The following NTM variants were observed in gnomAD, a reference collection of about 807,000 sequenced individuals.
The protein encoded by NTM is neurotrimin, also known as IgLON family member 2.
NTM carries 13 observed loss-of-function variants against 42.1 expected under a neutral mutation model. The observed-to-expected ratio is 0.31, with a 90% CI of 0.20 to 0.49. NTM has a LOEUF of 0.49. NTM is among the 20% of genes least tolerant of loss of function. The pLI is 0.99. For missense variants in NTM, 373 were observed against 452.8 expected (o/e 0.82, Z 1.60); for synonymous variants, 187 against 179.2 (o/e 1.04, Z -0.35).
intron 1 of NTM, among the ~76,000 whole-genome samples, chr11:131,734,696 G>T (rs763526174): frequency 1.3e-5 from 2 of 152,082 alleles, no homozygotes; most frequent in Non-Finnish European, 2.9e-5. Context: ...TCCAAGATGA[G>T]TGAGTATCCA....
intron 1 of NTM, among the ~76,000 whole-genome samples, chr11:131,457,913 C>T (rs1951044693): frequency 6.6e-6 from 1 of 152,110 alleles, no homozygotes; most frequent in South Asian, 2.1e-4. Flanking sequence ...GAAGAGAGCC[C>T]TCACAGAAGC....
At chr11:131,780,896 AC>A (rs1314034141) in intron 1 of NTM, among the ~76,000 whole-genome samples, 2 of 152,132 alleles carry the variant, frequency 1.3e-5, no homozygotes, top group African/African-American at 4.8e-5. Flanking sequence ...AGAACTAATA[AC>A]CATAAGGAAC....
chr11:131,573,364 G>T (rs1054804859), intron 1 of NTM, among the ~76,000 whole-genome samples: 1 of 152,176 alleles, frequency 6.6e-6, no homozygotes, highest in African/African-American at 2.4e-5. Context: ...GAAAAGTCTT[G>T]CATAAAGTGC....
At chr11:131,990,842 A>T (rs968914692) in intron 2 of NTM, among the ~76,000 whole-genome samples, 1 of 152,052 alleles carries the variant, frequency 6.6e-6, no homozygotes, top group Non-Finnish European at 1.5e-5. Flanking sequence ...AGCTCTATAA[A>T]CTATTTTCCA....
rs181205291 is a variant in NTM at position 131,617,131 on chromosome 11, G to A, written c.82+246243G>A. Among the ~76,000 whole-genome samples the A allele has an allele frequency of 1.6e-3, 244 of 152,164 alleles. 2 individuals are homozygous for A. Among genetic ancestry groups the A allele is most frequent in the African/African-American group, 5.6e-3 (232 of 41,532 alleles). ...GCAGGCAGACCCTAGGTGTGCTGCC[G>A]ATGTCAGGGTTCCCTCGGTCCTTCT... is the stretch of plus-strand genomic sequence containing the variant. On this transcript the variant is annotated intron_variant, in intron 1 of 8. Coordinates refer to ENST00000683400, the MANE Select transcript of NTM (RefSeq NM_001352005.2).
At chr11:131,655,901 T>C (rs2067125209) in intron 1 of NTM, among the ~76,000 whole-genome samples, 1 of 152,208 alleles carries the variant, frequency 6.6e-6, no homozygotes, top group Non-Finnish European at 1.5e-5. Context: ...ACCAAATCGA[T>C]TGGCCATCTG....
chr11:132,064,363 G>A (rs569226140), intron 2 of NTM, among the ~76,000 whole-genome samples: 68 of 152,286 alleles, frequency 4.5e-4, no homozygotes, highest in African/African-American at 1.5e-3. Context: ...ATATATATAT[G>A]TGTATTTGTG....
chr11:132,089,129 A>T (rs2060094329), intron 2 of NTM, among the ~76,000 whole-genome samples: 1 of 152,194 alleles, frequency 6.6e-6, no homozygotes, highest in African/African-American at 2.4e-5. Flanking sequence ...AAACACTCTC[A>T]TAGTAAGCAG....
At chr11:132,062,081 A>C (rs778189679) in intron 2 of NTM, among the ~76,000 whole-genome samples, 2 of 152,190 alleles carry the variant, frequency 1.3e-5, no homozygotes, top group African/African-American at 4.8e-5. Flanking sequence ...CTTCTGAAGC[A>C]GGTACAGTCA....
chr11:132,039,832 CCAG>C (rs56232349), intron 2 of NTM, among the ~76,000 whole-genome samples: 29,301 of 152,108 alleles, frequency 0.19, 3,586 homozygotes, highest in Non-Finnish European at 0.27. Flanking sequence ...AGTTTCCGCA[CCAG>C]TAAATCACCA....
intron 3 of NTM, among the ~76,000 whole-genome samples, chr11:132,152,213 C>T (rs952220103): frequency 2.0e-5 from 3 of 152,192 alleles, no homozygotes; most frequent in Non-Finnish European, 4.4e-5. Flanking sequence ...GACATGTCAC[C>T]CAGAAAGCAC....
At chr11:131,742,942 G>A (rs1479457855) in intron 1 of NTM, among the ~76,000 whole-genome samples, 8 of 152,212 alleles carry the variant, frequency 5.3e-5, no homozygotes, top group African/African-American at 1.2e-4. Context: ...GCCTCTTAAG[G>A]TTGACATGAG....
chr11:131,446,419 T>G (rs1033845380), intron 1 of NTM, among the ~76,000 whole-genome samples: 1 of 152,178 alleles, frequency 6.6e-6, no homozygotes, highest in African/African-American at 2.4e-5. Flanking sequence ...TTTTAGAATT[T>G]CCAAAAGAGC....
chr11:131,783,573 A>G (rs2088576308), intron 1 of NTM, among the ~76,000 whole-genome samples: 1 of 152,180 alleles, frequency 6.6e-6, no homozygotes, highest in South Asian at 2.1e-4. Context: ...GGTGCTCAAA[A>G]AACTGAATAT....
At chr11:132,320,167 A>T (rs2095528203) in intron 7 of NTM, among the ~76,000 whole-genome samples, 1 of 152,228 alleles carries the variant, frequency 6.6e-6, no homozygotes, top group African/African-American at 2.4e-5. Context: ...AGATGGGATA[A>T]AAGCCGCAAG....
At chr11:131,789,015 C>G (rs1043458144) in intron 1 of NTM, among the ~76,000 whole-genome samples, 3 of 152,088 alleles carry the variant, frequency 2.0e-5, no homozygotes, top group African/African-American at 7.2e-5. Context: ...TTCCAGGGGG[C>G]CGGGGTCTCT....
chr11:132,298,908 ACACG>A (rs765345131), intron 4 of NTM, among the ~76,000 whole-genome samples: 6 of 152,156 alleles, frequency 3.9e-5, no homozygotes, highest in Admixed American at 6.5e-5. Flanking sequence ...ACACACACAC[ACACG>A]AAATTTATAG....
chr11:132,263,963 C>T (rs2093025096), intron 4 of NTM, among the ~76,000 whole-genome samples: 1 of 152,154 alleles, frequency 6.6e-6, no homozygotes, highest in Non-Finnish European at 1.5e-5. Context: ...CTCCAGTTTT[C>T]CTGTTTTCTG....
At chr11:132,241,738 G>A (rs546501762) in intron 4 of NTM, among the ~76,000 whole-genome samples, 28 of 152,270 alleles carry the variant, frequency 1.8e-4, no homozygotes, top group East Asian at 1.9e-4. Flanking sequence ...AAAAGCTATC[G>A]TGAAAGTGCA....
Sources: allele counts gnomAD v4.1 joint callset (sites outside exome capture counted in the v4.1 genomes callset), GRCh38; gene constraint gnomAD v4.1.1; transcripts MANE v1.5; gene names NCBI Gene and HGNC (gene_info 2026-07-23, HGNC 2026-07-21).